The following ANKRD24 variants were observed in gnomAD, a reference collection of about 807,000 sequenced individuals.
ANKRD24 encodes ankyrin repeat domain-containing protein 24.
A neutral mutation model predicts 127.8 loss-of-function variants in ANKRD24; 109 were observed. That is an observed-to-expected ratio of 0.85 (90% CI 0.73 to 1.00). The LOEUF is 1.00. Among genes scored for constraint, ANKRD24 ranks in the 50% least tolerant of loss-of-function variants. The pLI is 0.00. For synonymous variants in ANKRD24, 743 were observed against 671.1 expected (o/e 1.11, Z -1.66); for missense variants, 1,648 against 1,570.2 (o/e 1.05, Z -0.84).
Position 4,189,620 on chromosome 19 carries a change from A to G in ANKRD24, c.36+3159A>G, listed in dbSNP as rs548258141. On this transcript the variant is annotated intron_variant, in intron 2 of 21. Coordinates refer to ENST00000318934, the MANE Select transcript of ANKRD24 (RefSeq NM_001393985.1). ...AGGCTGGTCTCAAACTCCTGGGCTCAAGAGATCCTCCCGCTTCAGCCAAGT... is the reference window on the plus strand; with the variant it reads ...AGGCTGGTCTCAAACTCCTGGGCTCGAGAGATCCTCCCGCTTCAGCCAAGT... Among the ~76,000 whole-genome samples, 23 of 151,996 alleles carry G rather than the reference A, an allele frequency of 1.5e-4. No individual in the cohort carries two copies. In the East Asian group the frequency reaches 3.5e-3, roughly 23 times the overall value.
chr19:4,212,384 A>G (rs1371967103), intron 13 of ANKRD24, 91 bp from the exon 14 acceptor site: 1 of 1,431,684 alleles, frequency 7.0e-7, no homozygotes, highest in East Asian at 2.5e-5. Flanking sequence ...GGAATGCGTG[A>G]ATGTGCATGG....
chr19:4,212,775 C>A (rs1969818680), intron 15 of ANKRD24, 77 bp downstream of exon 15: 1 of 1,301,834 alleles, frequency 7.7e-7, no homozygotes, highest in South Asian at 1.4e-5. Flanking sequence ...ACAAGACAGT[C>A]ACACCAGTGC....
intron 9 of ANKRD24, 82 bp downstream of exon 9, chr19:4,207,689 A>G: frequency 6.3e-7 from 1 of 1,596,310 alleles, no homozygotes; most frequent in East Asian, 2.2e-5. Context: ...CGATCTAGCC[A>G]GCCTCCTCTT....
chr19:4,186,674 C>G (rs1327473277), intron 2 of ANKRD24, among the ~76,000 whole-genome samples: 3 of 152,142 alleles, frequency 2.0e-5, no homozygotes, highest in Non-Finnish European at 2.9e-5. Flanking sequence ...CCATGGAATT[C>G]CTTCTCGCCG....
chr19:4,201,907 T>G (rs1969114883), intron 5 of ANKRD24, 119 bp from the exon 6 acceptor site: 4 of 835,094 alleles, frequency 4.8e-6, no homozygotes, highest in Non-Finnish European at 8.1e-6. Context: ...AGAGAAATAC[T>G]AGGGTTTACG....
At chr19:4,184,796 G>T (rs1967961643) in intron 1 of ANKRD24, among the ~76,000 whole-genome samples, 1 of 152,006 alleles carries the variant, frequency 6.6e-6, no homozygotes. Context: ...TGGATGGGGG[G>T]CGAATAGGTG....
At chr19:4,184,457 C>T (rs1047384131) in intron 1 of ANKRD24, among the ~76,000 whole-genome samples, 2 of 152,352 alleles carry the variant, frequency 1.3e-5, no homozygotes, top group East Asian at 1.9e-4. Context: ...CACATGCACT[C>T]GTTCACCCAC....
chr19:4,217,742 G>C lies in ANKRD24; in HGVS notation c.2582G>C (p.Arg861Thr). The C allele has an allele frequency of 7.7e-7, 1 of 1,295,412 alleles. No individual in the cohort carries two copies. The highest frequency in any genetic ancestry group is 9.7e-7 in the Non-Finnish European group (1 of 1,025,778). 80.2% of individuals were successfully genotyped at this position (1,295,412 alleles called of 1,614,324 possible). A position where few individuals can be genotyped will look rare whatever the true frequency, so the allele number is the denominator to read the frequency against. The stretch of plus-strand genomic sequence containing the variant: ...CTGCGGGAGCAGCTGGCCACGGCCA[G>C]GGCCACGGGGGAGCAGCAGCGCACG... The part of the protein sequence containing the change: ...EVLREQLATA[R>T]ATGEQQRTAA... The change falls in exon 18 of 22, where the codon AGG becomes ACG. Residue 861 changes from arginine to threonine, a missense_variant. By Grantham distance (71) the Arg-to-Thr change is moderately conservative. Transcript: ENST00000318934.
rs2145280990 is a variant in ANKRD24 at position 4,199,817 on chromosome 19, G to A, written c.123+48G>A. ...TGAGAGCCCGGAGCCCCTGTCGGGG[G>A]CGTGGGGAGGGGACAGCAGCCAACA... On this transcript the variant is annotated intron_variant, in intron 3 of 21. Coordinates refer to ENST00000318934, the MANE Select transcript of ANKRD24 (RefSeq NM_001393985.1). This position sits in a 1 kb window ranked among gnomAD's most constrained non-coding sequence, Gnocchi z 5.2. The A allele has an allele frequency of 6.5e-7, 1 of 1,534,560 alleles. No homozygotes were observed. The highest frequency in any genetic ancestry group is 8.8e-7 in the Non-Finnish European group (1 of 1,138,212).
At chr19:4,190,626 A>T (rs1171980295) in intron 2 of ANKRD24, among the ~76,000 whole-genome samples, 5 of 151,902 alleles carry the variant, frequency 3.3e-5, no homozygotes, top group Non-Finnish European at 2.9e-5. Context: ...CCAGCTACTC[A>T]GGAGGCTGAG....
chr19:4,207,313 G>T lies in ANKRD24; in HGVS notation c.537+1G>T, dbSNP rs746126865. On this transcript the variant is annotated splice_donor_variant, in intron 8 of 21. Transcript: ENST00000318934. LOFTEE classifies it high-confidence loss of function. The stretch of plus-strand genomic sequence containing the variant: ...GGCACATCTAAACCCCCAAGATCGG[G>T]TAAGCTTCTGGGATCTCTTCAGGGA... 6 of 1,613,602 alleles carry T rather than the reference G, an allele frequency of 3.7e-6. No individual in the cohort carries two copies. In the South Asian group the frequency reaches 6.6e-5, roughly 18 times the overall value.
In ANKRD24 at chr19:4,202,006, A is replaced by G; in HGVS notation, c.344-20A>G. Reference sequence around the variant, plus strand: ...TACTTGAATAGCTGGAGCTCCAGTAAATCTTCTTTCCTTCCCCAGGTTACA... The same window carrying G: ...TACTTGAATAGCTGGAGCTCCAGTAGATCTTCTTTCCTTCCCCAGGTTACA... On this transcript the variant is annotated intron_variant, in intron 5 of 21. Coordinates refer to ENST00000318934, the MANE Select transcript of ANKRD24 (RefSeq NM_001393985.1). The G allele has an allele frequency of 6.2e-7, 1 of 1,612,864 alleles. No individual in the cohort carries two copies. The highest frequency in any genetic ancestry group is 1.3e-5 in the African/African-American group (1 of 74,944).
chr19:4,189,718 A>G (rs1212525622), intron 2 of ANKRD24, among the ~76,000 whole-genome samples: 1 of 152,124 alleles, frequency 6.6e-6, no homozygotes, highest in Non-Finnish European at 1.5e-5. Context: ...TGAGCACTAT[A>G]AAAAATATAA....
intron 1 of ANKRD24, among the ~76,000 whole-genome samples, chr19:4,185,475 A>T (rs528831741): frequency 6.6e-6 from 1 of 152,168 alleles, no homozygotes; most frequent in South Asian, 2.1e-4. Flanking sequence ...GCAAATACAG[A>T]TTCTCCATCA....
intron 19 of ANKRD24, 52 bp from the exon 20 acceptor site, chr19:4,222,618 C>T: frequency 6.6e-7 from 1 of 1,518,834 alleles, no homozygotes; most frequent in South Asian, 1.3e-5. Context: ...GAGAGGTCCT[C>T]AGCCCCCAGC....
rs759780080 is a variant in ANKRD24, at chr19:4,210,311, G to A, written c.998G>A (p.Arg333Lys). 1 of 1,585,770 alleles carries A rather than the reference G, an allele frequency of 6.3e-7. No individual in the cohort carries two copies. The highest frequency in any genetic ancestry group is 8.6e-7 in the Non-Finnish European group (1 of 1,166,798). ...YEEIVRLRQE[R>K]GRLLQKIRGL... ...GAGATCGTGAGGCTGCGGCAGGAGA[G>A]GGGCCGCCTCCTGCAGAAGATCCGG... The change falls in exon 13 of 22, where the codon AGG becomes AAG. Residue 333 changes from arginine (R) to lysine (K), a missense_variant. Coordinates refer to ENST00000318934, the MANE Select transcript of ANKRD24 (RefSeq NM_001393985.1).
intron 15 of ANKRD24, among the ~76,000 whole-genome samples, chr19:4,214,485 T>C (rs1411081821): frequency 2.0e-5 from 3 of 152,050 alleles, no homozygotes; most frequent in African/African-American, 7.2e-5. Context: ...CATGTATACA[T>C]ATAGAAAACC....
rs78051657 is a variant in ANKRD24, at chr19:4,194,643, G to C, written c.37-5040G>C. Among the ~76,000 whole-genome samples, 655 of 152,258 alleles carry C rather than the reference G, an allele frequency of 4.3e-3. 3 individuals are homozygous for C. The highest frequency in any genetic ancestry group is 0.015 in the African/African-American group (606 of 41,540). On this transcript the variant is annotated intron_variant, in intron 2 of 21. Transcript: ENST00000318934. ...GAGGTCTCTGGAGGCTTTTGTGCAG[G>C]AGAGATGAGATCTGATGCAGGTTTA... is the stretch of plus-strand genomic sequence containing the variant.
At chr19:4,183,997 G>A (rs1346809921) in intron 1 of ANKRD24, among the ~76,000 whole-genome samples, 1 of 152,202 alleles carries the variant, frequency 6.6e-6, no homozygotes, top group Non-Finnish European at 1.5e-5. Flanking sequence ...GTTCCTGGTG[G>A]GGGGAACAGC....
Sources: gnomAD v4.1 joint callset for allele counts (sites outside exome capture counted in the v4.1 genomes callset) on GRCh38, gnomAD v4.1.1 for gene constraint, Gnocchi (gnomAD v3.1) non-coding constraint, MANE v1.5 for transcripts, NCBI Gene and HGNC (gene_info 2026-07-23, HGNC 2026-07-21) for gene names.